Variants in HHAT observed in about 807,000 individuals in gnomAD.
HHAT encodes protein-cysteine N-palmitoyltransferase HHAT.
HHAT carries 47 observed loss-of-function variants against 70.8 expected under a neutral mutation model. That is an observed-to-expected ratio of 0.66 (90% CI 0.53 to 0.85). The LOEUF (loss-of-function observed/expected upper bound fraction) is 0.85, where lower values mean the gene tolerates loss of function less well. HHAT is among the 40% of genes least tolerant of loss of function. The pLI is 0.00. For synonymous variants in HHAT, 228 were observed against 247.6 expected (o/e 0.92, Z 0.74); for missense variants, 609 against 604.8 (o/e 1.01, Z -0.07).
At chr1:210,588,299 G>A (rs922680864) in intron 10 of HHAT, 200 bp downstream of exon 10, 13 of 548,456 alleles carry the variant, frequency 2.4e-5, no homozygotes, top group Middle Eastern at 4.7e-4. Context: ...ATGGGTGTGT[G>A]TGTGTATATA....
At chr1:210,607,857 C>T (rs1005553073) in intron 10 of HHAT, among the ~76,000 whole-genome samples, 20 of 152,244 alleles carry the variant, frequency 1.3e-4, no homozygotes, top group Non-Finnish European at 2.6e-4. Context: ...CTAACAACCA[C>T]ACCCTGCTCA....
At chr1:210,346,313 C>T (rs1176766660) in intron 1 of HHAT, among the ~76,000 whole-genome samples, 3 of 152,020 alleles carry the variant, frequency 2.0e-5, no homozygotes, top group Non-Finnish European at 4.4e-5. Flanking sequence ...AGAGGTCATC[C>T]GATGTAATAC....
chr1:210,348,749 G>GTGTGTA (rs2086750873), intron 1 of HHAT, among the ~76,000 whole-genome samples, 184 bp from the exon 2 acceptor site: 1 of 151,640 alleles, frequency 6.6e-6, no homozygotes, highest in African/African-American at 2.4e-5. Context: ...GTGTGTGTGT[G>GTGTGTA]TGTGTGTGTG....
intron 7 of HHAT, among the ~76,000 whole-genome samples, chr1:210,425,793 C>A (rs2093045017): frequency 6.6e-6 from 1 of 152,046 alleles, no homozygotes; most frequent in Non-Finnish European, 1.5e-5. Context: ...CAGCTTTGTT[C>A]TTTTTGCTTA....
intron 9 of HHAT, among the ~76,000 whole-genome samples, chr1:210,545,436 CTTTTTTTTT>C (rs71571956): frequency 2.4e-5 from 3 of 127,192 alleles, no homozygotes; most frequent in African/African-American, 8.9e-5. Context: ...CTTTTTTTTC[CTTTTTTTTT>C]TTTTTTTTGA....
intron 8 of HHAT, among the ~76,000 whole-genome samples, chr1:210,473,363 C>G (rs2094242420): frequency 6.6e-6 from 1 of 152,044 alleles, no homozygotes; most frequent in African/African-American, 2.4e-5. Context: ...ATGTTCAACC[C>G]CTTCTTCCCA....
At chr1:210,654,479 A>G (rs535242834) in intron 11 of HHAT, among the ~76,000 whole-genome samples, 1 of 152,352 alleles carries the variant, frequency 6.6e-6, no homozygotes, top group African/African-American at 2.4e-5. Flanking sequence ...AAGGCATAAT[A>G]AATGTTGAAT....
intron 6 of HHAT, among the ~76,000 whole-genome samples, chr1:210,415,162 T>C (rs1386679272): frequency 6.6e-6 from 1 of 152,236 alleles, no homozygotes; most frequent in Non-Finnish European, 1.5e-5. Context: ...CCATACAATA[T>C]TGAGGTACAC....
intron 11 of HHAT, among the ~76,000 whole-genome samples, chr1:210,652,456 G>A (rs1447753164): frequency 6.6e-6 from 1 of 152,142 alleles, no homozygotes; most frequent in African/African-American, 2.4e-5. Context: ...AGAACCCGGG[G>A]CCCACTGTGT....
chr1:210,453,981 A>T (rs2093808694), intron 7 of HHAT, among the ~76,000 whole-genome samples: 1 of 152,210 alleles, frequency 6.6e-6, no homozygotes. Context: ...GGTGAAAGGT[A>T]CTTCTTACAT....
intron 6 of HHAT, among the ~76,000 whole-genome samples, chr1:210,407,451 C>G (rs1345308076): frequency 6.6e-6 from 1 of 152,224 alleles, no homozygotes; most frequent in East Asian, 1.9e-4. Flanking sequence ...GGGAAATCTT[C>G]ACCCAGTATC....
At chr1:210,440,856 G>A (rs987786081) in intron 7 of HHAT, among the ~76,000 whole-genome samples, 1 of 152,202 alleles carries the variant, frequency 6.6e-6, no homozygotes, top group Non-Finnish European at 1.5e-5. Flanking sequence ...CGGGTACTGA[G>A]TATCAGTTTC....
At chr1:210,546,089 A>T (rs183559127) in intron 9 of HHAT, among the ~76,000 whole-genome samples, 36 of 152,324 alleles carry the variant, frequency 2.4e-4, no homozygotes, top group African/African-American at 8.7e-4. Flanking sequence ...TTTAGATGAC[A>T]CTATGCTGTT....
intron 10 of HHAT, 87 bp downstream of exon 10, chr1:210,588,186 C>G: frequency 8.8e-7 from 1 of 1,132,178 alleles, no homozygotes; most frequent in Non-Finnish European, 1.3e-6. Flanking sequence ...GATTCCCTGC[C>G]CCCACTATGG....
At chr1:210,569,885 A>T (rs1655808218) in intron 9 of HHAT, among the ~76,000 whole-genome samples, 1 of 151,992 alleles carries the variant, frequency 6.6e-6, no homozygotes, top group Non-Finnish European at 1.5e-5. Context: ...ATACCTCTAG[A>T]CTGACTGCCC....
intron 10 of HHAT, among the ~76,000 whole-genome samples, chr1:210,615,847 A>G (rs1163728316): frequency 6.6e-6 from 1 of 152,102 alleles, no homozygotes; most frequent in East Asian, 1.9e-4. Context: ...GTCTGCCCCT[A>G]CTGGGGGGTG....
intron 10 of HHAT, among the ~76,000 whole-genome samples, chr1:210,604,669 C>T (rs79294209): frequency 0.011 from 1,736 of 152,152 alleles, 36 homozygotes; most frequent in African/African-American, 0.039. Flanking sequence ...GTGAGCAGGA[C>T]GGATTCACCC....
intron 10 of HHAT, among the ~76,000 whole-genome samples, chr1:210,599,906 T>TC (rs773165845): frequency 8.6e-5 from 13 of 151,962 alleles, no homozygotes; most frequent in Non-Finnish European, 1.9e-4. Context: ...TTCCCACTCC[T>TC]CCCCCCTCAC....
intron 9 of HHAT, among the ~76,000 whole-genome samples, chr1:210,573,245 A>C (rs1656787883): frequency 6.6e-6 from 1 of 152,156 alleles, no homozygotes; most frequent in African/African-American, 2.4e-5. Flanking sequence ...AAAACCAGGA[A>C]AGTGACTGCC....
Sources: allele counts gnomAD v4.1 joint callset (sites outside exome capture counted in the v4.1 genomes callset), GRCh38; gene constraint gnomAD v4.1.1; transcripts MANE v1.5; gene names NCBI Gene and HGNC (gene_info 2026-07-23, HGNC 2026-07-21).